PXDNL: variants seen among roughly 807,000 people sequenced by gnomAD.
PXDNL encodes the protein peroxidasin like, also known as probable oxidoreductase PXDNL.
Under a neutral mutation model 150.8 loss-of-function variants are expected in PXDNL, and 145 were observed. The observed-to-expected ratio is 0.96, with a 90% CI of 0.84 to 1.10. PXDNL has a LOEUF of 1.10. Among genes scored for constraint, PXDNL ranks in the 50% least tolerant of loss-of-function variants. The pLI, the probability that PXDNL is intolerant of heterozygous loss-of-function variation, is 0.00. For synonymous variants in PXDNL, 757 were observed against 725.7 expected (o/e 1.04, Z -0.69); for missense variants, 2,087 against 1,873.9 (o/e 1.11, Z -2.10).
chr8:51,409,076 C>A lies in PXDNL; in HGVS notation c.2548G>T (p.Ala850Ser). The A allele has an allele frequency of 1.2e-6, 2 of 1,609,428 alleles. No individual in the cohort carries two copies. The part of the protein sequence containing the change: ...PPCFPMNTRH[A>S]DPRGTHAPCM... ...GGCGCGTGGGTGCCCCGGGGGTCGG[C>A]GTGCCGGGTGTTCATGGGGAAACAA... The change falls in exon 17 of 23, where the codon GCC (alanine) becomes TCC (serine). Residue 850 changes from alanine (A) to serine (S), a missense_variant. Physicochemically the swap from Ala to Ser is moderately conservative, Grantham distance 99 (BLOSUM62 1). Transcript: ENST00000356297.
chr8:51,502,899 A>G (rs1811217093), intron 4 of PXDNL, among the ~76,000 whole-genome samples: 1 of 152,176 alleles, frequency 6.6e-6, no homozygotes, highest in Non-Finnish European at 1.5e-5. Context: ...GAGACAATCT[A>G]AGGGGTAGAA....
chr8:51,356,351 T>C (rs1244639188), intron 19 of PXDNL, among the ~76,000 whole-genome samples: 1 of 151,864 alleles, frequency 6.6e-6, no homozygotes, highest in Middle Eastern at 3.2e-3. Context: ...TAGCTTGGTG[T>C]GGTGGCGGGT....
chr8:51,453,764 T>C lies in PXDNL; in HGVS notation c.1004A>G (p.Gln335Arg). Residue 335 changes from glutamine to arginine, a missense_variant, in exon 10 of 23, where the codon CAG becomes CGG. Gln to Arg is a conservative substitution (Grantham distance 43). Coordinates refer to ENST00000356297, the MANE Select transcript of PXDNL (RefSeq NM_144651.5). ...AATTAAAACCTCTGTGTCCTGAGGC[T>C]GGATTACAAAGCTTGGTTTGGCTGA... is the stretch of plus-strand genomic sequence containing the variant. ...SLPAKPSFVIQPQDTEVLIGT... is the reference protein window; with the variant it reads ...SLPAKPSFVIRPQDTEVLIGT... 2 of 1,613,926 alleles carry C rather than the reference T, an allele frequency of 1.2e-6. No homozygotes were observed. The highest frequency in any genetic ancestry group is 8.5e-7 in the Non-Finnish European group (1 of 1,179,850).
chr8:51,436,039 A>T (rs1809398997), intron 12 of PXDNL: 1 of 529,034 alleles, frequency 1.9e-6, no homozygotes, highest in South Asian at 1.4e-5. Context: ...CCTTGTTCAA[A>T]ATAGTCATAG....
intron 1 of PXDNL, among the ~76,000 whole-genome samples, chr8:51,717,702 G>T (rs1816642174): frequency 6.6e-6 from 1 of 152,224 alleles, no homozygotes; most frequent in Non-Finnish European, 1.5e-5. Context: ...TCAGGGAAAA[G>T]GAAATAGTGC....
chr8:51,380,659 A>C (rs1283406962), intron 17 of PXDNL, among the ~76,000 whole-genome samples: 1 of 152,094 alleles, frequency 6.6e-6, no homozygotes, highest in East Asian at 1.9e-4. Context: ...TCTTTTTCTT[A>C]TGTTATTGTC....
At chr8:51,386,194 G>A (rs1807702764) in intron 17 of PXDNL, among the ~76,000 whole-genome samples, 2 of 152,008 alleles carry the variant, frequency 1.3e-5, no homozygotes, top group Non-Finnish European at 1.5e-5. Flanking sequence ...CCAGGTTCAA[G>A]CAATTCTTCT....
intron 3 of PXDNL, among the ~76,000 whole-genome samples, chr8:51,563,410 C>T (rs564168997): frequency 2.0e-5 from 3 of 151,710 alleles, no homozygotes; most frequent in South Asian, 2.1e-4. Context: ...TACAGGGGCT[C>T]CACACTCATG....
intron 7 of PXDNL, among the ~76,000 whole-genome samples, chr8:51,474,195 C>CA (rs1810420725): frequency 6.6e-6 from 1 of 152,106 alleles, no homozygotes; most frequent in Non-Finnish European, 1.5e-5. Context: ...GCTGTAATTA[C>CA]AGCAGTCATG....
intron 20 of PXDNL, among the ~76,000 whole-genome samples, chr8:51,342,878 T>G (rs1806030725): frequency 1.3e-5 from 1 of 79,924 alleles, no homozygotes; most frequent in Admixed American, 1.4e-4. Flanking sequence ...TGATTAAGAT[T>G]CAAAAAAAAA....
At chr8:51,386,300 C>A (rs1365497335) in intron 17 of PXDNL, among the ~76,000 whole-genome samples, 1 of 152,044 alleles carries the variant, frequency 6.6e-6, no homozygotes, top group Non-Finnish European at 1.5e-5. Context: ...ACCATATCGG[C>A]CAGGCTGGTC....
chr8:51,322,653 A>T (rs868206161), intron 21 of PXDNL, among the ~76,000 whole-genome samples: 1 of 152,216 alleles, frequency 6.6e-6, no homozygotes, highest in South Asian at 2.1e-4. Flanking sequence ...TGTAGCAGGT[A>T]GAGGAGATTG....
At chr8:51,646,074 T>C (rs1814912445) in intron 2 of PXDNL, among the ~76,000 whole-genome samples, 1 of 80,150 alleles carries the variant, frequency 1.2e-5, no homozygotes, top group Non-Finnish European at 3.3e-5. Context: ...TTCCCCGAAA[T>C]GGGTATGTTG....
intron 2 of PXDNL, among the ~76,000 whole-genome samples, chr8:51,602,260 C>G (rs1004051159): frequency 7.9e-5 from 12 of 151,842 alleles, no homozygotes; most frequent in African/African-American, 2.9e-4. Context: ...TTGAATTATT[C>G]CAAGTACATT....
intron 4 of PXDNL, among the ~76,000 whole-genome samples, chr8:51,519,728 C>T (rs1362086790): frequency 6.6e-6 from 1 of 152,036 alleles, no homozygotes; most frequent in African/African-American, 2.4e-5. Flanking sequence ...GTGTAAGTGC[C>T]GAAAGGGTGA....
chr8:51,734,716 C>T (rs561453034), intron 1 of PXDNL, among the ~76,000 whole-genome samples: 1 of 152,310 alleles, frequency 6.6e-6, no homozygotes, highest in East Asian at 1.9e-4. Flanking sequence ...ATTTTCTACT[C>T]TGCTCTTTAA....
chr8:51,596,975 C>G (rs1813584369), intron 2 of PXDNL, among the ~76,000 whole-genome samples: 1 of 152,094 alleles, frequency 6.6e-6, no homozygotes, highest in African/African-American at 2.4e-5. Flanking sequence ...CAAAAATGTT[C>G]TCCCAATGCC....
chr8:51,708,759 A>G (rs1291608066), intron 1 of PXDNL, among the ~76,000 whole-genome samples: 1 of 152,244 alleles, frequency 6.6e-6, no homozygotes, highest in Non-Finnish European at 1.5e-5. Flanking sequence ...TTCAATTTAT[A>G]CCAAACAAAA....
At position 51,423,583 on chromosome 8, in the gene PXDNL, G is replaced by A. The variant is rs764121778; in HGVS notation, c.1787C>T (p.Thr596Ile). The change falls in exon 14 of 23, where the codon ACA (threonine) becomes ATA (isoleucine). Residue 596 changes from threonine (T) to isoleucine (I), a missense_variant. Transcript: ENST00000356297. Reference protein sequence around the residue: ...FGLAVTNMFLTVTAIQGRQAG... With the variant: ...FGLAVTNMFLIVTAIQGRQAG... ...GAGCTATAGACACCTACCCGTGACT[G>A]TAAGAAACATGTTGGTCACAGCAAG... The A allele has an allele frequency of 5.6e-6, 9 of 1,613,452 alleles. No homozygotes were observed. The highest frequency in any genetic ancestry group is 5.3e-5 in the African/African-American group (4 of 74,926).
Sources: allele counts gnomAD v4.1 joint callset (sites outside exome capture counted in the v4.1 genomes callset), GRCh38; gene constraint gnomAD v4.1.1; transcripts MANE v1.5; gene names NCBI Gene and HGNC (gene_info 2026-07-23, HGNC 2026-07-21).